The following FAM135B variants were observed in gnomAD, a reference collection of about 807,000 sequenced individuals.
FAM135B encodes protein FAM135B.
In FAM135B, 43 loss-of-function variants were observed where a neutral mutation model predicts 127.7. The observed-to-expected ratio is 0.34, with a 90% CI of 0.26 to 0.43. The LOEUF (loss-of-function observed/expected upper bound fraction) is 0.43. Ranked by LOEUF, FAM135B falls within the 20% of genes least tolerant of loss-of-function variation. FAM135B has a pLI of 1.00. For missense variants in FAM135B, 1,558 were observed against 1,725.6 expected (o/e 0.90, Z 1.72); for synonymous variants, 670 against 665.1 (o/e 1.01, Z -0.11).
intron 1 of FAM135B, among the ~76,000 whole-genome samples, chr8:138,445,775 T>A (rs1836115396): frequency 6.6e-6 from 1 of 152,150 alleles, no homozygotes; most frequent in African/African-American, 2.4e-5. Context: ...ACCACTCCTA[T>A]TCAACATAGT....
chr8:138,409,218 T>C (rs1307566437), intron 1 of FAM135B, among the ~76,000 whole-genome samples: 1 of 152,120 alleles, frequency 6.6e-6, no homozygotes. Context: ...TTTTCAGTAT[T>C]GTTGTGTCTC....
intron 2 of FAM135B, among the ~76,000 whole-genome samples, chr8:138,338,007 G>T (rs1200870502): frequency 9.2e-5 from 14 of 152,316 alleles, no homozygotes. Context: ...AAGAAATGGG[G>T]AAAGGATTCC....
At chr8:138,493,343 G>T (rs559771928) in intron 1 of FAM135B, among the ~76,000 whole-genome samples, 47 of 152,206 alleles carry the variant, frequency 3.1e-4, no homozygotes, top group African/African-American at 1.1e-3. Context: ...GTTCTTGGTG[G>T]TTGGGACCAT....
chr8:138,497,677 C>G (rs1815450156), upstream of FAM135B, among the ~76,000 whole-genome samples: 1 of 152,166 alleles, frequency 6.6e-6, no homozygotes, highest in South Asian at 2.1e-4. Flanking sequence ...GGCCCGTCAT[C>G]CGATGGGCTC....
intron 1 of FAM135B, among the ~76,000 whole-genome samples, chr8:138,386,242 C>A (rs984063623): frequency 2.0e-5 from 3 of 151,018 alleles, no homozygotes; most frequent in East Asian, 3.9e-4. Flanking sequence ...AAAACAAAAA[C>A]AAAAACCAAC....
intron 2 of FAM135B, among the ~76,000 whole-genome samples, chr8:138,351,982 G>A (rs1304764146): frequency 2.0e-5 from 3 of 152,102 alleles, no homozygotes; most frequent in African/African-American, 4.8e-5. Flanking sequence ...AAGCCACTAC[G>A]TTCGACCAGA....
At position 138,241,130 on chromosome 8, in the gene FAM135B, C is replaced by T. The variant is rs1050227910; in HGVS notation, c.669+1812G>A. On this transcript the variant is annotated intron_variant, in intron 7 of 19. Coordinates refer to ENST00000395297, the MANE Select transcript of FAM135B (RefSeq NM_015912.4). The surrounding 1 kb of genome is among the most constrained non-coding windows in gnomAD (Gnocchi z 4.8). ...GATGTAGTCACAGCAAAGGCTTCGG[C>T]CGACCACGGGGAGCTTTGCCTCAGT... 1.3e-5 allele frequency among the ~76,000 whole-genome samples: 2 copies of T among 152,134 alleles called. No homozygotes were observed. Among genetic ancestry groups the T allele is most frequent in the African/African-American group, 4.8e-5 (2 of 41,418 alleles).
chr8:138,220,971 C>T (rs1009555342), intron 7 of FAM135B, among the ~76,000 whole-genome samples: 1 of 152,128 alleles, frequency 6.6e-6, no homozygotes, highest in Non-Finnish European at 1.5e-5. Flanking sequence ...GGATATCAGG[C>T]TGCATAGACT....
intron 13 of FAM135B, 75 bp from the exon 14 acceptor site, chr8:138,148,761 G>A (rs1817863078): frequency 3.4e-6 from 4 of 1,181,978 alleles, no homozygotes; most frequent in Non-Finnish European, 4.7e-6. Flanking sequence ...GGGCTGGTAT[G>A]TAGAAGGGCT....
chr8:138,224,836 C>A (rs534221677), intron 7 of FAM135B, among the ~76,000 whole-genome samples: 7 of 152,082 alleles, frequency 4.6e-5, no homozygotes, highest in African/African-American at 1.4e-4. Flanking sequence ...CCTGCACGAT[C>A]TCAGTTATAT....
intron 2 of FAM135B, among the ~76,000 whole-genome samples, chr8:138,353,802 T>C (rs1014865734): frequency 6.6e-6 from 1 of 152,044 alleles, no homozygotes; most frequent in African/African-American, 2.4e-5. Flanking sequence ...TGTTGTATAG[T>C]CACTGAGTGA....
At chr8:138,362,279 A>ATT (rs1830467374) in intron 2 of FAM135B, among the ~76,000 whole-genome samples, 1 of 122,488 alleles carries the variant, frequency 8.2e-6, no homozygotes, top group African/African-American at 3.1e-5. Context: ...CCCCACCCCC[A>ATT]TATCTTTTTT....
At chr8:138,203,744 A>G (rs1427970652) in intron 7 of FAM135B, among the ~76,000 whole-genome samples, 3 of 152,170 alleles carry the variant, frequency 2.0e-5, no homozygotes, top group Middle Eastern at 3.2e-3. Context: ...ATTCAAGAGC[A>G]TTACATTTAT....
intron 6 of FAM135B, among the ~76,000 whole-genome samples, chr8:138,250,022 A>G (rs1471786826): frequency 6.6e-6 from 1 of 152,186 alleles, no homozygotes; most frequent in Non-Finnish European, 1.5e-5. Flanking sequence ...ATGATCTGGA[A>G]CATGTTCTGG....
chr8:138,367,369 C>T, intron 2 of FAM135B: 1 of 456,140 alleles, frequency 2.2e-6, no homozygotes, highest in South Asian at 1.5e-5. Context: ...TGAGGATTTA[C>T]TGATATCACC....
chr8:138,269,345 C>A (rs144122994), intron 3 of FAM135B, among the ~76,000 whole-genome samples: 1 of 152,304 alleles, frequency 6.6e-6, no homozygotes, highest in Non-Finnish European at 1.5e-5. Flanking sequence ...ACCAACAGCA[C>A]CCTTAGGGAC....
intron 16 of FAM135B, among the ~76,000 whole-genome samples, chr8:138,142,598 C>G (rs1817298777): frequency 6.6e-6 from 1 of 152,040 alleles, no homozygotes. Context: ...GCCACCGCGC[C>G]CGGCCTTTTT....
rs920045720 is a variant in FAM135B at position 138,313,402 on chromosome 8, G to C, written c.78-2482C>G. On this transcript the variant is annotated intron_variant, in intron 2 of 19. Transcript: ENST00000395297. Reference sequence around the variant, plus strand: ...CTGCCTTGGCCTCCCAAAGTGCTGGGATTACAGGCGTGAGCCACCGTGCCT... The same window carrying C: ...CTGCCTTGGCCTCCCAAAGTGCTGGCATTACAGGCGTGAGCCACCGTGCCT... 1.2e-3 allele frequency among the ~76,000 whole-genome samples: 188 copies of C among 152,296 alleles called. 1 individual carries two copies. Among genetic ancestry groups the C allele is most frequent in the African/African-American group, 4.2e-3 (175 of 41,564 alleles).
chr8:138,475,100 AT>A (rs1814339756), intron 1 of FAM135B, among the ~76,000 whole-genome samples: 5 of 22,360 alleles, frequency 2.2e-4, no homozygotes, highest in Non-Finnish European at 3.5e-4. Flanking sequence ...GTTTGAAAGT[AT>A]ATCCTTAGCT....
Sources: gnomAD v4.1 joint callset for allele counts (sites outside exome capture counted in the v4.1 genomes callset) on GRCh38, gnomAD v4.1.1 for gene constraint, Gnocchi (gnomAD v3.1) non-coding constraint, MANE v1.5 for transcripts, NCBI Gene and HGNC (gene_info 2026-07-23, HGNC 2026-07-21) for gene names.